The following SIRT1 variants were observed in gnomAD, a reference collection of about 807,000 sequenced individuals.
SIRT1 encodes the protein sirtuin 1.
In SIRT1, 24 loss-of-function variants were observed where a neutral mutation model predicts 67.9. The observed-to-expected ratio is 0.35, with a 90% CI of 0.26 to 0.50. SIRT1 has a LOEUF of 0.50. Among genes scored for constraint, SIRT1 ranks in the 20% least tolerant of loss-of-function variants. SIRT1 has a pLI of 0.98. For synonymous variants in SIRT1, 378 were observed against 350.7 expected (o/e 1.08, Z -0.87); for missense variants, 873 against 937.2 (o/e 0.93, Z 0.89).
Position 67,885,165 on chromosome 10 carries a change from G to C in SIRT1, c.430+14G>C, listed in dbSNP as rs1011354288. 1 of 1,374,302 alleles carries C rather than the reference G, an allele frequency of 7.3e-7. No individual in the cohort carries two copies. Among genetic ancestry groups the C allele is most frequent in the South Asian group, 1.7e-5 (1 of 60,276 alleles). The allele number at this position is 1,374,302 out of a possible 1,614,324, so 85.1% of individuals were successfully genotyped here. A position where few individuals can be genotyped will look rare whatever the true frequency, so the allele number is the denominator to read the frequency against. On this transcript the variant is annotated intron_variant, in intron 1 of 8. Transcript: ENST00000212015. ...TTGGGTACCGAGGTGCGCAGGGTGC[G>C]GGCGGCCGGAACTGCGCATCTCCTC... is the stretch of plus-strand genomic sequence containing the variant.
chr10:67,916,449 T>A lies in SIRT1; in HGVS notation c.2100T>A (p.Asn700Lys). 6.2e-7 allele frequency: 1 copy of A among 1,614,162 alleles called. No homozygotes were observed. The highest frequency in any genetic ancestry group is 8.5e-7 in the Non-Finnish European group (1 of 1,180,032). Reference sequence around the variant, plus strand: ...AAAGTGAAATTGAAGAATTCTACAATGGCTTAGAAGATGAGCCTGATGTTC... The same window carrying A: ...AAAGTGAAATTGAAGAATTCTACAAAGGCTTAGAAGATGAGCCTGATGTTC... ...EDESEIEEFYNGLEDEPDVPE... is the reference protein window; with the variant it reads ...EDESEIEEFYKGLEDEPDVPE... Residue 700 changes from asparagine to lysine, a missense_variant, in exon 9 of 9, where the codon AAT becomes AAA. This residue lies in a region of SIRT1 where 295 missense variants were observed against 294.5 expected (regional missense o/e 1.00). Transcript: ENST00000212015.
chr10:67,917,821 TC>T lies in SIRT1; in HGVS notation c.*1229del, dbSNP rs2029969861. The T allele has an allele frequency of 6.6e-6, 1 of 152,626 alleles. No homozygotes were observed. Among genetic ancestry groups the T allele is most frequent in the African/African-American group, 2.4e-5 (1 of 41,458 alleles). 9.5% of individuals were successfully genotyped at this position (152,626 alleles called of 1,614,324 possible). ...GCTTAGCCTGCCTTAAAACTAGAGA[TC>T]AACTTTCTCAGCTGCAAAAGCTTCT... is the stretch of plus-strand genomic sequence containing the variant. On this transcript the variant is annotated 3_prime_UTR_variant, in exon 9 of 9. Transcript: ENST00000212015.
At chr10:67,914,409 GCTTT>G (rs1200611776) in intron 8 of SIRT1, among the ~76,000 whole-genome samples, 2 of 152,042 alleles carry the variant, frequency 1.3e-5, no homozygotes, top group Non-Finnish European at 2.9e-5. Flanking sequence ...ATTACAGAAG[GCTTT>G]CTAAGGAGCA....
At chr10:67,892,008 A>G (rs1435695232) in intron 4 of SIRT1, among the ~76,000 whole-genome samples, 1 of 152,220 alleles carries the variant, frequency 6.6e-6, no homozygotes, top group African/African-American at 2.4e-5. Context: ...TTTTGTCAGC[A>G]AATTGCAGAG....
rs1842922237 is a variant in SIRT1 at position 67,912,966 on chromosome 10, C to T, written c.1850C>T (p.Ala617Val). ...GAGAAAAATGAAAGAACTTCAGTGG[C>T]TGGAACAGTGAGAAAATGCTGGCCT... Reference protein sequence around the residue: ...TGEKNERTSVAGTVRKCWPNR... With the variant: ...TGEKNERTSVVGTVRKCWPNR... Residue 617 changes from alanine to valine, a missense_variant, in exon 8 of 9, where the codon GCT becomes GTT. By Grantham distance (64) the Ala-to-Val change is moderately conservative (BLOSUM62 0). Coordinates refer to ENST00000212015, the MANE Select transcript of SIRT1 (RefSeq NM_012238.5). The T allele has an allele frequency of 1.9e-6, 3 of 1,613,830 alleles. No individual in the cohort carries two copies. The highest frequency in any genetic ancestry group is 2.5e-6 in the Non-Finnish European group (3 of 1,179,948).
chr10:67,916,526 C>G lies in SIRT1; in HGVS notation c.2177C>G (p.Ala726Gly). The stretch of plus-strand genomic sequence containing the variant: ...GGGACTGATGGAGATGATCAAGAGG[C>G]AATTAATGAAGCTATATCTGTGAAA... ...GFGTDGDDQEAINEAISVKQE... is the reference protein window; with the variant it reads ...GFGTDGDDQEGINEAISVKQE... Residue 726 changes from alanine (A) to glycine (G), a missense_variant, in exon 9 of 9, where the codon GCA (alanine) becomes GGA (glycine). By Grantham distance (60) the Ala-to-Gly change is moderately conservative. Around this residue, in one of 3 missense-constraint regions of SIRT1, gnomAD observed 295 missense variants for 294.5 expected, o/e 1.00. Coordinates refer to ENST00000212015, the MANE Select transcript of SIRT1 (RefSeq NM_012238.5). 1 of 1,614,046 alleles carries G rather than the reference C, an allele frequency of 6.2e-7. No homozygotes were observed. The highest frequency in any genetic ancestry group is 8.5e-7 in the Non-Finnish European group (1 of 1,180,008).
intron 4 of SIRT1, among the ~76,000 whole-genome samples, chr10:67,895,501 C>T (rs1407085293): frequency 6.6e-6 from 1 of 152,098 alleles, no homozygotes; most frequent in Non-Finnish European, 1.5e-5. Flanking sequence ...ATAGAATATT[C>T]ATAGGATAAC....
At chr10:67,896,821 C>A (rs1842666092) in intron 4 of SIRT1, among the ~76,000 whole-genome samples, 2 of 151,590 alleles carry the variant, frequency 1.3e-5, no homozygotes, top group South Asian at 4.2e-4. Flanking sequence ...GTATCCCCAC[C>A]CCAAGTCCTG....
At position 67,917,539 on chromosome 10, in the gene SIRT1, A is replaced by G. The variant is rs1191866818; in HGVS notation, c.*946A>G. 6.6e-6 allele frequency: 1 copy of G among 152,644 alleles called. No homozygotes were observed. The allele number at this position is 152,644 out of a possible 1,614,324, so 9.5% of individuals were successfully genotyped here. A position where few individuals can be genotyped will look rare whatever the true frequency, so the allele number is the denominator to read the frequency against. On this transcript the variant is annotated 3_prime_UTR_variant, in exon 9 of 9. Coordinates refer to ENST00000212015, the MANE Select transcript of SIRT1 (RefSeq NM_012238.5). The stretch of plus-strand genomic sequence containing the variant: ...CTGAATCTATAATAATGGTACTTCT[A>G]CTGGGGAGAGTGTAATATTTTGGAC...
At chr10:67,894,132 CTT>C (rs908761502) in intron 4 of SIRT1, among the ~76,000 whole-genome samples, 1 of 152,106 alleles carries the variant, frequency 6.6e-6, no homozygotes, top group Non-Finnish European at 1.5e-5. Flanking sequence ...CCCCATGTAA[CTT>C]TTGTTTTATC....
chr10:67,902,493 A>T (rs1284072009), intron 4 of SIRT1, among the ~76,000 whole-genome samples: 1 of 152,238 alleles, frequency 6.6e-6, no homozygotes, highest in Non-Finnish European at 1.5e-5. Context: ...GAACATAGCC[A>T]TACTATTTAT....
In SIRT1 at chr10:67,908,100, C is replaced by G. The variant is rs1842847893; in HGVS notation, c.1145C>G (p.Ala382Gly). Reference sequence around the variant, plus strand: ...TGTAAATACAAAGTTGACTGTGAAGCTGTACGAGGAGATATTTTTAATCAG... The same window carrying G: ...TGTAAATACAAAGTTGACTGTGAAGGTGTACGAGGAGATATTTTTAATCAG... The part of the protein sequence containing the change: ...LICKYKVDCE[A>G]VRGDIFNQVV... The change falls in exon 6 of 9, where the codon GCT (alanine) becomes GGT (glycine). Residue 382 changes from alanine to glycine, a missense_variant. This residue lies in a region of SIRT1 where 251 missense variants were observed against 358.8 expected (regional missense o/e 0.70). Transcript: ENST00000212015. 4.3e-6 allele frequency: 7 copies of G among 1,613,478 alleles called. No individual in the cohort carries two copies. Among genetic ancestry groups the G allele is most frequent in the Non-Finnish European group, 5.9e-6 (7 of 1,179,706 alleles).
intron 4 of SIRT1, among the ~76,000 whole-genome samples, chr10:67,894,239 G>C (rs1842619239): frequency 6.6e-6 from 1 of 152,124 alleles, no homozygotes; most frequent in Non-Finnish European, 1.5e-5. Flanking sequence ...AAAGTTTTCA[G>C]GCTATCAAGA....
chr10:67,893,702 G>A (rs975171255), intron 4 of SIRT1, among the ~76,000 whole-genome samples: 1 of 152,142 alleles, frequency 6.6e-6, no homozygotes, highest in Non-Finnish European at 1.5e-5. Context: ...GTGCTGCCAT[G>A]CCTGGCTAAT....
intron 4 of SIRT1, among the ~76,000 whole-genome samples, chr10:67,903,160 C>G (rs1842768585): frequency 6.6e-6 from 1 of 152,118 alleles, no homozygotes; most frequent in South Asian, 2.1e-4. Context: ...TTGGCACGAT[C>G]ATAGAGTACT....
At chr10:67,904,293 AATTTTTGTG>A (rs1362533595) in intron 4 of SIRT1, among the ~76,000 whole-genome samples, 1 of 151,182 alleles carries the variant, frequency 6.6e-6, no homozygotes, top group East Asian at 2.0e-4. Context: ...AGGCCCAGCT[AATTTTTGTG>A]ATTTTTGTGT....
chr10:67,892,261 G>C (rs1842585575), intron 4 of SIRT1, among the ~76,000 whole-genome samples: 1 of 152,084 alleles, frequency 6.6e-6, no homozygotes, highest in South Asian at 2.1e-4. Flanking sequence ...AAATACTTTT[G>C]ATATTGGGTT....
intron 8 of SIRT1, among the ~76,000 whole-genome samples, chr10:67,915,073 AGG>A (rs1371127537): frequency 6.6e-6 from 1 of 151,948 alleles, no homozygotes; most frequent in African/African-American, 2.4e-5. Flanking sequence ...GTTGTAATAG[AGG>A]GAAATAAGTG....
Position 67,884,675 on chromosome 10 carries a change from C to T in SIRT1, c.-47C>T, listed in dbSNP as rs1842445348. 7 of 1,225,444 alleles carry T rather than the reference C, an allele frequency of 5.7e-6. No homozygotes were observed. Among genetic ancestry groups the T allele is most frequent in the African/African-American group, 3.1e-5 (2 of 64,024 alleles). The allele number at this position is 1,225,444 out of a possible 1,614,324, so 75.9% of individuals were successfully genotyped here. ...GGGGGCGCCAGTGCCGCGCGTCGAG[C>T]GGGAGCAGAGGAGGCGAGGGAGGAG... On this transcript the variant is annotated 5_prime_UTR_variant, in exon 1 of 9. Coordinates refer to ENST00000212015, the MANE Select transcript of SIRT1 (RefSeq NM_012238.5).
Sources: allele counts gnomAD v4.1 joint callset (sites outside exome capture counted in the v4.1 genomes callset), GRCh38; gene constraint gnomAD v4.1.1; regional missense constraint gnomAD v4.1.1; transcripts MANE v1.5; gene names NCBI Gene and HGNC (gene_info 2026-07-23, HGNC 2026-07-21).